CD53: variants seen among roughly 807,000 people sequenced by gnomAD.
CD53 encodes the protein leukocyte surface antigen CD53.
In CD53, 20 loss-of-function variants were observed where a neutral mutation model predicts 27.3. The ratio of observed to expected loss-of-function variants is 0.73; its 90% CI spans 0.52 to 1.07. CD53 has a LOEUF of 1.07. Ranked by LOEUF, CD53 falls within the 50% of genes least tolerant of loss-of-function variation. CD53 has a pLI of 0.00. For synonymous variants in CD53, 106 were observed against 105.3 expected, an observed-to-expected ratio of 1.01 and a Z score of -0.04; for missense variants, 216 against 264.0, an observed-to-expected ratio of 0.82 and a Z score of 1.26.
chr1:110,896,815 C>T, intron 6 of CD53, 82 bp downstream of exon 6: 1 of 1,159,480 alleles, frequency 8.6e-7, no homozygotes. Context: ...CATAGAGGAC[C>T]TAGACCTTCT....
At chr1:110,896,028 C>A (rs1240645296) in intron 5 of CD53, among the ~76,000 whole-genome samples, 2 of 152,150 alleles carry the variant, frequency 1.3e-5, no homozygotes, top group Non-Finnish European at 2.9e-5. Context: ...AAGATCTTAA[C>A]AAGGCCTATG....
In CD53 at chr1:110,896,728, G is replaced by C; in HGVS notation, c.499G>C (p.Val167Leu). The C allele has an allele frequency of 6.2e-7, 1 of 1,612,424 alleles. No individual in the cohort carries two copies. Among genetic ancestry groups the C allele is most frequent in the Non-Finnish European group, 8.5e-7 (1 of 1,179,376 alleles). ...AGCATCTTGCCCCTCAGATCGAAAA[G>C]TGGAGGTAATTTTGTCGGCAATGTT... The part of the protein sequence containing the change: ...PPASCPSDRK[V>L]EGCYAKARLW... Residue 167 changes from valine to leucine, a missense_variant, in exon 6 of 8, where the codon GTG becomes CTG. Val to Leu is a conservative substitution (Grantham distance 32, BLOSUM62 1). Coordinates refer to ENST00000271324, the MANE Select transcript of CD53 (RefSeq NM_000560.4).
chr1:110,895,923 C>T (rs1296623484), intron 5 of CD53, among the ~76,000 whole-genome samples: 1 of 152,084 alleles, frequency 6.6e-6, no homozygotes, highest in Non-Finnish European at 1.5e-5. Flanking sequence ...CTTTTTAATA[C>T]ACCTAAAATT....
intron 1 of CD53, among the ~76,000 whole-genome samples, chr1:110,879,687 A>T (rs561392076): frequency 2.0e-5 from 3 of 152,264 alleles, no homozygotes; most frequent in South Asian, 2.1e-4. Flanking sequence ...ATTGGATCAG[A>T]TAAGGCTGAA....
At position 110,899,089 on chromosome 1, in the gene CD53, A is replaced by C. The variant is rs768219418; in HGVS notation, c.589-35A>C. ...CATTGTGAAAGAAATGGCTTTTCTT[A>C]TGAAGACTTCAAATTTTCCCAACTC... On this transcript the variant is annotated intron_variant, in intron 7 of 7. Transcript: ENST00000271324. 7 of 1,568,624 alleles carry C rather than the reference A, an allele frequency of 4.5e-6. No individual in the cohort carries two copies. The South Asian group carries it at 6.7e-5, about 15-fold the overall frequency.
intron 1 of CD53, among the ~76,000 whole-genome samples, chr1:110,881,309 ATTAGT>A (rs1424614912): frequency 1.3e-5 from 2 of 151,072 alleles, no homozygotes; most frequent in East Asian, 3.9e-4. Context: ...GTTGCTATAG[ATTAGT>A]TTTCATTTTC....
At chr1:110,897,774 A>C in intron 6 of CD53, 35 bp from the exon 7 acceptor site, 3 of 1,251,212 alleles carry the variant, frequency 2.4e-6, no homozygotes, top group Non-Finnish European at 3.5e-6. Context: ...GTGGAATTAT[A>C]GAGTAGTATC....
intron 7 of CD53, 76 bp downstream of exon 7, chr1:110,897,968 A>G: frequency 1.3e-6 from 1 of 775,496 alleles, no homozygotes. Flanking sequence ...AATACCAGGT[A>G]CACAGTATTT....
At chr1:110,876,541 T>C (rs1656136667) in intron 1 of CD53, among the ~76,000 whole-genome samples, 1 of 152,188 alleles carries the variant, frequency 6.6e-6, no homozygotes, top group Non-Finnish European at 1.5e-5. Flanking sequence ...GGGTAAGAAA[T>C]GATTTTAATG....
chr1:110,897,630 A>G, intron 6 of CD53, 179 bp from the exon 7 acceptor site: 1 of 487,948 alleles, frequency 2.0e-6, no homozygotes, highest in Non-Finnish European at 3.7e-6. Context: ...AAAAGTCTGT[A>G]GTTTAATATT....
intron 1 of CD53, among the ~76,000 whole-genome samples, chr1:110,880,946 G>T (rs1390721292): frequency 6.6e-6 from 1 of 152,118 alleles, no homozygotes; most frequent in Non-Finnish European, 1.5e-5. Context: ...TAACTAACCA[G>T]AATAAGAGGC....
chr1:110,886,870 T>TATATATATATATATATATATATA (rs1491267172), intron 1 of CD53, among the ~76,000 whole-genome samples: 1 of 35,514 alleles, frequency 2.8e-5, no homozygotes, highest in African/African-American at 1.1e-4. Context: ...TATATATATA[T>TATATATATATATATATATATATA]TTTTTTTTTC....
In CD53 at chr1:110,899,430, A is replaced by C; in HGVS notation, c.*235A>C. The C allele has an allele frequency of 2.3e-6, 1 of 429,720 alleles. No individual in the cohort carries two copies. Among genetic ancestry groups the C allele is most frequent in the Non-Finnish European group, 4.2e-6 (1 of 235,946 alleles). The allele number at this position is 429,720 out of a possible 1,614,324, so 26.6% of individuals were successfully genotyped here. ...CAGCCATGTCTCTCAAAGTGGTGAA[A>C]CTAATATCTGAGCATCTTTTAGACA... On this transcript the variant is annotated 3_prime_UTR_variant, in exon 8 of 8. Coordinates refer to ENST00000271324, the MANE Select transcript of CD53 (RefSeq NM_000560.4).
At chr1:110,897,049 T>C (rs1490166133) in intron 6 of CD53, among the ~76,000 whole-genome samples, 1 of 152,204 alleles carries the variant, frequency 6.6e-6, no homozygotes, top group Non-Finnish European at 1.5e-5. Flanking sequence ...CTCCTTATGG[T>C]TAAAGTGAAA....
rs762630200 is a variant in CD53, at chr1:110,895,040, C to G, written c.408C>G (p.Asp136Glu). The part of the protein sequence containing the change: ...HSDNSTKAAW[D>E]SIQSFLQCCG... ...ACAATAGCACCAAGGCAGCGTGGGA[C>G]TCCATCCAGTCATTTGTGAGTACAG... Residue 136 changes from aspartate (D) to glutamate (E), a missense_variant, in exon 5 of 8, where the codon GAC becomes GAG. Transcript: ENST00000271324. 1 of 1,612,648 alleles carries G rather than the reference C, an allele frequency of 6.2e-7. No homozygotes were observed. The highest frequency in any genetic ancestry group is 1.1e-5 in the South Asian group (1 of 91,058).
intron 5 of CD53, among the ~76,000 whole-genome samples, chr1:110,896,200 G>C (rs1026007237): frequency 2.0e-5 from 3 of 152,180 alleles, no homozygotes; most frequent in Admixed American, 2.0e-4. Flanking sequence ...TGGTATCAGG[G>C]AGTCTCTGTC....
intron 1 of CD53, among the ~76,000 whole-genome samples, chr1:110,885,153 C>T (rs1215046394): frequency 6.6e-6 from 1 of 152,122 alleles, no homozygotes; most frequent in East Asian, 1.9e-4. Flanking sequence ...TCCATTTCTC[C>T]CTTCCCAGTC....
At chr1:110,879,029 G>GT (rs142641498) in intron 1 of CD53, among the ~76,000 whole-genome samples, 2,939 of 151,878 alleles carry the variant, frequency 0.019, 44 homozygotes, top group Admixed American at 0.03. Flanking sequence ...ATTTCTTTTT[G>GT]TTTTTTTATT....
chr1:110,894,903 T>G (rs1656998192), intron 4 of CD53, 57 bp from the exon 5 acceptor site: 1 of 1,334,838 alleles, frequency 7.5e-7, no homozygotes, highest in African/African-American at 1.4e-5. Flanking sequence ...AAATTCCTTA[T>G]TCCTTGAACT....
Sources: gnomAD v4.1 joint callset for allele counts (sites outside exome capture counted in the v4.1 genomes callset) on GRCh38, gnomAD v4.1.1 for gene constraint, MANE v1.5 for transcripts, NCBI Gene and HGNC (gene_info 2026-07-23, HGNC 2026-07-21) for gene names.